Variants in BANP observed in about 807,000 individuals in gnomAD.
The protein encoded by BANP is protein BANP.
A neutral mutation model predicts 68.1 loss-of-function variants in BANP; 11 were observed. The ratio of observed to expected loss-of-function variants is 0.16; its 90% confidence interval spans 0.10 to 0.27. The LOEUF (loss-of-function observed/expected upper bound fraction) is 0.27, where lower values mean the gene tolerates loss of function less well. BANP is among the 10% of genes least tolerant of loss of function. BANP has a pLI of 1.00. For missense variants in BANP, 504 were observed against 722.7 expected (o/e 0.70, Z 3.47); for synonymous variants, 329 against 303.2 (o/e 1.09, Z -0.88).
At chr16:88,020,480 G>T (rs943030889) in intron 7 of BANP, among the ~76,000 whole-genome samples, 1 of 152,256 alleles carries the variant, frequency 6.6e-6, no homozygotes, top group Non-Finnish European at 1.5e-5. Context: ...ATATATAGAC[G>T]AATGAGAAAT....
In BANP at chr16:87,967,622, ATTTT is replaced by A. The variant is rs375783410; in HGVS notation, c.-68-7412_-68-7409del. ...AGGCATGCCCCACCACACCCAGTTA[ATTTT>A]TTTTTTTTTTTTTGAGATGGAGTCT... On this transcript the variant is annotated intron_variant, in intron 1 of 13. Transcript: ENST00000682872. Among the ~76,000 whole-genome samples, 6 of 120,564 alleles carry A rather than the reference ATTTT, an allele frequency of 5.0e-5. No homozygotes were observed. In the East Asian group the frequency reaches 1.4e-3, roughly 28 times the overall value. 79.1% of individuals were successfully genotyped at this position (120,564 alleles called of 152,430 possible).
chr16:87,984,339 A>G, intron 4 of BANP, 80 bp downstream of exon 4: 3 of 1,339,618 alleles, frequency 2.2e-6, no homozygotes, highest in Middle Eastern at 2.3e-4. Context: ...CCCGCAGCTT[A>G]GTGGCTCAGT....
intron 4 of BANP, among the ~76,000 whole-genome samples, chr16:87,998,293 G>T (rs146356392): frequency 6.6e-6 from 1 of 152,232 alleles, no homozygotes. Flanking sequence ...GGTTGTGGGG[G>T]CAGTGAGTGG....
intron 1 of BANP, among the ~76,000 whole-genome samples, chr16:87,972,043 T>C (rs1404243388): frequency 2.0e-5 from 3 of 152,212 alleles, no homozygotes; most frequent in Non-Finnish European, 4.4e-5. Context: ...TCCTCCTGCC[T>C]TAGCCTCCCA....
chr16:87,951,735 G>T (rs891479672), intron 1 of BANP, among the ~76,000 whole-genome samples: 1 of 150,750 alleles, frequency 6.6e-6, no homozygotes, highest in African/African-American at 2.4e-5. Context: ...CCTCGCTTCC[G>T]CACCCCCGGC....
At chr16:88,020,900 C>G (rs540308115) in intron 7 of BANP, among the ~76,000 whole-genome samples, 3 of 152,124 alleles carry the variant, frequency 2.0e-5, no homozygotes, top group Non-Finnish European at 4.4e-5. Context: ...CATGGCAGGG[C>G]GATACTCAGA....
intron 6 of BANP, 113 bp downstream of exon 6, chr16:88,006,378 G>A: frequency 7.9e-7 from 1 of 1,258,226 alleles, no homozygotes; most frequent in Non-Finnish European, 1.1e-6. Flanking sequence ...CAGGCGCGGT[G>A]GCTCACGCCT....
chr16:88,006,720 G>T (rs2071267547), intron 6 of BANP, among the ~76,000 whole-genome samples: 1 of 151,708 alleles, frequency 6.6e-6, no homozygotes, highest in Admixed American at 6.6e-5. Context: ...TTGGGAGGCT[G>T]AGGCGGGTGG....
intron 7 of BANP, among the ~76,000 whole-genome samples, chr16:88,022,761 G>T (rs1279609854): frequency 6.6e-6 from 1 of 152,192 alleles, no homozygotes; most frequent in Non-Finnish European, 1.5e-5. Flanking sequence ...CCAGCTTCTG[G>T]TGGTGGCCGC....
chr16:87,975,616 C>G (rs887316114), intron 2 of BANP, among the ~76,000 whole-genome samples: 9 of 125,176 alleles, frequency 7.2e-5, no homozygotes, highest in Non-Finnish European at 1.3e-4. Context: ...TGTGTAATCC[C>G]CTGTGTGCGG....
At chr16:87,983,259 A>T (rs2063635810) in intron 3 of BANP, among the ~76,000 whole-genome samples, 1 of 152,242 alleles carries the variant, frequency 6.6e-6, no homozygotes, top group African/African-American at 2.4e-5. Context: ...CCCTCCCTAG[A>T]CCTGAAGGAG....
intron 11 of BANP, among the ~76,000 whole-genome samples, chr16:88,053,433 C>T (rs961432842): frequency 5.3e-5 from 8 of 150,506 alleles, no homozygotes; most frequent in South Asian, 4.2e-4. Context: ...CCACCACCAC[C>T]TCTACCACTG....
At chr16:88,039,116 C>CT (rs1456123977) in intron 11 of BANP, among the ~76,000 whole-genome samples, 1 of 152,144 alleles carries the variant, frequency 6.6e-6, no homozygotes, top group Non-Finnish European at 1.5e-5. Context: ...GGGAGAAGGG[C>CT]TGCAGACCCT....
intron 12 of BANP, among the ~76,000 whole-genome samples, chr16:88,070,275 T>G (rs2089974743): frequency 6.6e-6 from 1 of 152,170 alleles, no homozygotes; most frequent in East Asian, 1.9e-4. Flanking sequence ...CTCTAACCCT[T>G]GTGGTGTTCA....
chr16:88,039,031 G>A (rs766227756), intron 11 of BANP, among the ~76,000 whole-genome samples: 1 of 152,244 alleles, frequency 6.6e-6, no homozygotes, highest in Non-Finnish European at 1.5e-5. Context: ...CTCCCAGAGC[G>A]AGGTGCTTTA....
At chr16:87,987,544 T>G (rs920006803) in intron 4 of BANP, among the ~76,000 whole-genome samples, 24 of 147,876 alleles carry the variant, frequency 1.6e-4, no homozygotes, top group Middle Eastern at 3.5e-3. Flanking sequence ...GGCAACGTAG[T>G]GAGACCCCCA....
At chr16:87,975,301 A>C in intron 2 of BANP, 116 bp downstream of exon 2, 1 of 1,059,732 alleles carries the variant, frequency 9.4e-7, no homozygotes, top group Non-Finnish European at 1.4e-6. Flanking sequence ...CATGCTGCGT[A>C]TGAAAAGTTT....
intron 11 of BANP, among the ~76,000 whole-genome samples, chr16:88,041,769 G>A (rs556952364): frequency 2.6e-5 from 4 of 152,368 alleles, no homozygotes; most frequent in Non-Finnish European, 5.9e-5. Flanking sequence ...ACAGCTGTTC[G>A]TTGACTCTGG....
chr16:87,963,628 C>T (rs868838362), intron 1 of BANP: 2 of 152,178 alleles, frequency 1.3e-5, no homozygotes, highest in Non-Finnish European at 2.9e-5. Context: ...AGAAACAGCT[C>T]TATGAAGAAT....
Sources: allele counts gnomAD v4.1 joint callset (sites outside exome capture counted in the v4.1 genomes callset), GRCh38; gene constraint gnomAD v4.1.1; transcripts MANE v1.5; gene names NCBI Gene and HGNC (gene_info 2026-07-23, HGNC 2026-07-21).